LRBA: variants seen among roughly 807,000 people sequenced by gnomAD.
The protein encoded by LRBA is lipopolysaccharide-responsive and beige-like anchor protein.
LRBA carries 176 observed loss-of-function variants against 330.0 expected under a neutral mutation model. The ratio of observed to expected loss-of-function variants is 0.53; its 90% CI spans 0.47 to 0.60. The LOEUF (loss-of-function observed/expected upper bound fraction) is 0.60. Ranked by LOEUF, LRBA falls within the 20% of genes least tolerant of loss-of-function variation. The pLI is 0.00. For missense variants in LRBA, 3,259 were observed against 3,444.8 expected (o/e 0.95, Z 1.35); for synonymous variants, 1,230 against 1,193.0 (o/e 1.03, Z -0.64).
intron 47 of LRBA, among the ~76,000 whole-genome samples, chr4:150,359,834 G>T (rs1045423714): frequency 6.6e-6 from 1 of 151,894 alleles, no homozygotes; most frequent in Admixed American, 6.6e-5. Context: ...CAAAAAATTA[G>T]CTGGGCGTGG....
intron 40 of LRBA, among the ~76,000 whole-genome samples, chr4:150,550,755 G>A (rs1766482829): frequency 6.6e-6 from 1 of 152,066 alleles, no homozygotes; most frequent in African/African-American, 2.4e-5. Flanking sequence ...CTGTTTTTAG[G>A]CCTCAAATAA....
chr4:150,869,240 G>C (rs1383992795), intron 20 of LRBA, among the ~76,000 whole-genome samples: 1 of 151,952 alleles, frequency 6.6e-6, no homozygotes, highest in African/African-American at 2.4e-5. Context: ...ATTTTTAAAG[G>C]TGTGAAGATT....
chr4:150,547,044 T>A (rs1218398343), intron 40 of LRBA, among the ~76,000 whole-genome samples: 2 of 152,098 alleles, frequency 1.3e-5, no homozygotes, highest in Admixed American at 1.3e-4. Flanking sequence ...GTAAATCACA[T>A]CAAACATGTC....
intron 48 of LRBA, among the ~76,000 whole-genome samples, chr4:150,346,732 C>T (rs1211303182): frequency 7.8e-6 from 1 of 128,698 alleles, no homozygotes; most frequent in Non-Finnish European, 1.5e-5. Flanking sequence ...GCACTCCAGC[C>T]TGGCAACAAT....
At position 150,590,665 on chromosome 4, in the gene LRBA, T is replaced by C. The variant is rs754838270; in HGVS notation, c.6193+48A>G. ...GCTGAAAAAGTAAGTAATTATATGC[T>C]TATTGTCCCAGAGGTAGCTGAAATA... On this transcript the variant is annotated intron_variant, in intron 39 of 56. Transcript: ENST00000651943. The C allele has an allele frequency of 2.4e-5, 38 of 1,568,232 alleles. No individual in the cohort carries two copies. The Admixed American group carries it at 6.4e-4, about 26-fold the overall frequency.
At chr4:150,288,475 G>A (rs182019728) in intron 53 of LRBA, among the ~76,000 whole-genome samples, 1 of 152,204 alleles carries the variant, frequency 6.6e-6, no homozygotes, top group African/African-American at 2.4e-5. Flanking sequence ...TTGGCGTGGT[G>A]GTGTGCACCT....
At position 150,590,837 on chromosome 4, in the gene LRBA, A is replaced by G. The variant is rs758157121; in HGVS notation, c.6069T>C (p.Ala2023=). The change falls in exon 39 of 57, where the codon GCT becomes GCC. Residue 2023 remains alanine (A), a synonymous_variant. Transcript: ENST00000651943. ...VEHATDEDIL[A]KGKQSIRSQA... is the part of the protein sequence containing the mutation. ...GACTCCTGATGGACTGTTTTCCTTT[A>G]GCAAGGATATCTTCATCTGTGGCTG... 1.3e-5 allele frequency: 21 copies of G among 1,613,716 alleles called. No individual in the cohort carries two copies. Among genetic ancestry groups the G allele is most frequent in the Non-Finnish European group, 1.8e-5 (21 of 1,179,824 alleles).
intron 44 of LRBA, among the ~76,000 whole-genome samples, chr4:150,438,045 C>A (rs868142520): frequency 1.3e-5 from 2 of 152,174 alleles, no homozygotes; most frequent in Non-Finnish European, 2.9e-5. Context: ...GAGTCTAAGG[C>A]TCAAAAAATG....
At chr4:150,776,140 A>G (rs1231047123) in intron 34 of LRBA, among the ~76,000 whole-genome samples, 2 of 152,146 alleles carry the variant, frequency 1.3e-5, no homozygotes, top group African/African-American at 4.8e-5. Flanking sequence ...TTAATGTTCA[A>G]AGTTTAAAAA....
At chr4:150,618,881 C>T (rs2126617211) in intron 37 of LRBA, among the ~76,000 whole-genome samples, 1 of 149,676 alleles carries the variant, frequency 6.7e-6, no homozygotes, top group Admixed American at 6.6e-5. Flanking sequence ...TACACACATA[C>T]ACACACATAT....
At chr4:150,919,519 A>T (rs1285765410) in intron 5 of LRBA, among the ~76,000 whole-genome samples, 1 of 152,232 alleles carries the variant, frequency 6.6e-6, no homozygotes. Context: ...GCCAAACTTC[A>T]GTAATAACAC....
At chr4:150,489,465 A>G (rs186211969) in intron 41 of LRBA, among the ~76,000 whole-genome samples, 1 of 21,950 alleles carries the variant, frequency 4.6e-5, no homozygotes, top group Non-Finnish European at 1.1e-4. Context: ...TAAGAATATA[A>G]AATATATTAT....
intron 49 of LRBA, among the ~76,000 whole-genome samples, chr4:150,324,025 G>A (rs1424945904): frequency 2.0e-5 from 3 of 152,152 alleles, no homozygotes; most frequent in African/African-American, 7.2e-5. Context: ...AACACAATTT[G>A]TGCAAGTCTG....
intron 37 of LRBA, among the ~76,000 whole-genome samples, chr4:150,681,720 A>G (rs1205553214): frequency 2.0e-5 from 3 of 152,178 alleles, no homozygotes; most frequent in Non-Finnish European, 4.4e-5. Flanking sequence ...ATAATTTGAC[A>G]GCTATTTTCA....
intron 40 of LRBA, among the ~76,000 whole-genome samples, chr4:150,514,594 A>T (rs1762149809): frequency 6.6e-6 from 1 of 152,110 alleles, no homozygotes. Context: ...GGTGTGTTTC[A>T]TTGGACCGGA....
Position 150,501,025 on chromosome 4 carries a change from A to C in LRBA, c.6331-9990T>G, listed in dbSNP as rs187059743. Reference sequence around the variant, plus strand: ...ACTTCCATAATAGAGCATGGAACTAAATGCTATGCTCACATTTGCCTTCAG... The same window carrying C: ...ACTTCCATAATAGAGCATGGAACTACATGCTATGCTCACATTTGCCTTCAG... On this transcript the variant is annotated intron_variant, in intron 40 of 56. Coordinates refer to ENST00000651943, the MANE Select transcript of LRBA (RefSeq NM_001364905.1). Among the ~76,000 whole-genome samples, 27 of 152,330 alleles carry C rather than the reference A, an allele frequency of 1.8e-4. No homozygotes were observed. The East Asian group carries it at 5.2e-3, about 29-fold the overall frequency.
chr4:150,732,222 C>A (rs1478319532), intron 36 of LRBA, among the ~76,000 whole-genome samples: 1 of 151,868 alleles, frequency 6.6e-6, no homozygotes, highest in Non-Finnish European at 1.5e-5. Context: ...AAATTTTATA[C>A]AATACTGCAA....
intron 4 of LRBA, among the ~76,000 whole-genome samples, chr4:150,922,206 C>A (rs1351028561): frequency 6.6e-6 from 1 of 152,002 alleles, no homozygotes; most frequent in Non-Finnish European, 1.5e-5. Flanking sequence ...CCCCCACCCA[C>A]CCTTCTTTAA....
intron 2 of LRBA, among the ~76,000 whole-genome samples, chr4:151,012,569 C>T (rs746245837): frequency 1.3e-5 from 2 of 152,068 alleles, no homozygotes; most frequent in African/African-American, 4.8e-5. Flanking sequence ...ATATGAAAGC[C>T]CCACACACAT....
Sources: gnomAD v4.1 joint callset for allele counts (sites outside exome capture counted in the v4.1 genomes callset) on GRCh38, gnomAD v4.1.1 for gene constraint, MANE v1.5 for transcripts, NCBI Gene and HGNC (gene_info 2026-07-23, HGNC 2026-07-21) for gene names.